HRCT1: variants seen among roughly 807,000 people sequenced by gnomAD.
The protein encoded by HRCT1 is histidine rich carboxyl terminus 1, also known as histidine-rich carboxyl terminus protein 1.
For missense variants in HRCT1, 185 were observed against 161.3 expected, an observed-to-expected ratio of 1.15 and a Z score of -0.80; for synonymous variants, 76 against 69.0, an observed-to-expected ratio of 1.10 and a Z score of -0.50.
rs1833101932 is a variant in HRCT1 at position 35,906,598 on chromosome 9, A to ACCACCCCCACCGCCACCACCC, written c.329_330insCCCCCACCCCCACCGCCACCA (p.His110_Pro111insProHisProHisArgHisHis). ...ACCCCTCACCACCTCCACCACCACC[A>ACCACCCCCACCGCCACCACCC]CCACCCCCACCGCCACCATCCCCGC... On this transcript the variant is annotated inframe_insertion, in exon 1 of 1. Transcript: ENST00000354323. 5.0e-6 allele frequency: 6 copies of ACCACCCCCACCGCCACCACCC among 1,195,464 alleles called. No individual in the cohort carries two copies. Among genetic ancestry groups the ACCACCCCCACCGCCACCACCC allele is most frequent in the Non-Finnish European group, 6.6e-6 (6 of 910,888 alleles). The allele number at this position is 1,195,464 out of a possible 1,614,324, so 74.1% of individuals were successfully genotyped here.
Position 35,906,279 on chromosome 9 carries a change from G to A in HRCT1, c.-9G>A, listed in dbSNP as rs747464375. 4 of 1,592,254 alleles carry A rather than the reference G, an allele frequency of 2.5e-6. No homozygotes were observed. Among genetic ancestry groups the A allele is most frequent in the Middle Eastern group, 2.1e-4 (1 of 4,820 alleles). ...GCTGCTGGGCAGAGAGGGACTGTCC[G>A]GCTCCCAGATGCTGGGCCTCCTGGG... On this transcript the variant is annotated 5_prime_UTR_variant, in exon 1 of 1. Coordinates refer to ENST00000354323, the MANE Select transcript of HRCT1 (RefSeq NM_001039792.2).
rs1554690920 is a variant in HRCT1 at position 35,906,601 on chromosome 9, A to ACCACCC, written c.316_317insACCCCC (p.His105_Pro106insHisPro). The ACCACCC allele has an allele frequency of 1.9e-6, 2 of 1,079,740 alleles. No individual in the cohort carries two copies. Among genetic ancestry groups the ACCACCC allele is most frequent in the Non-Finnish European group, 2.4e-6 (2 of 832,354 alleles). The allele number at this position is 1,079,740 out of a possible 1,614,324, so 66.9% of individuals were successfully genotyped here. On this transcript the variant is annotated inframe_insertion, in exon 1 of 1. Transcript: ENST00000354323. ...CCTCACCACCTCCACCACCACCACC[A>ACCACCC]CCCCCACCGCCACCATCCCCGCCAC...
At position 35,906,904 on chromosome 9, in the gene HRCT1, G is replaced by C; in HGVS notation, c.*269G>C. ...CTTTCGGGGCTGGACAGCCCGTCTT[G>C]TGACAGTGACTCCCAGTGAGCCCCA... On this transcript the variant is annotated 3_prime_UTR_variant, in exon 1 of 1. Transcript: ENST00000354323. 1 of 508,064 alleles carries C rather than the reference G, an allele frequency of 2.0e-6. No individual in the cohort carries two copies. Among genetic ancestry groups the C allele is most frequent in the Non-Finnish European group, 3.6e-6 (1 of 276,374 alleles). 31.5% of individuals were successfully genotyped at this position (508,064 alleles called of 1,614,324 possible).
the HRCT1 span, chr9:35,906,598 A>ACCACCACCACCACACCC: frequency 8.4e-7 from 1 of 1,194,688 alleles, no homozygotes; most frequent in Non-Finnish European, 1.1e-6. Context: ...CACCACCACC[A>ACCACCACCACCACACCC]CCACCCCCAC....
At position 35,906,917 on chromosome 9, in the gene HRCT1, C is replaced by T. The variant is rs2132462023; in HGVS notation, c.*282C>T. 1 of 484,488 alleles carries T rather than the reference C, an allele frequency of 2.1e-6. No homozygotes were observed. The highest frequency in any genetic ancestry group is 3.8e-6 in the Non-Finnish European group (1 of 261,480). The allele number at this position is 484,488 out of a possible 1,614,324, so 30.0% of individuals were successfully genotyped here. On this transcript the variant is annotated 3_prime_UTR_variant, in exon 1 of 1. Coordinates refer to ENST00000354323, the MANE Select transcript of HRCT1 (RefSeq NM_001039792.2). ...ACAGCCCGTCTTGTGACAGTGACTC[C>T]CAGTGAGCCCCAGAAATGACAAGCG... is the stretch of plus-strand genomic sequence containing the variant.
Position 35,906,436 on chromosome 9 carries a change from G to T in HRCT1, c.149G>T (p.Gly50Val), listed in dbSNP as rs750808693. The T allele has an allele frequency of 6.2e-7, 1 of 1,613,092 alleles. No individual in the cohort carries two copies. The highest frequency in any genetic ancestry group is 2.2e-5 in the East Asian group (1 of 44,886). ...GAGAGGAACCGTACAGCTGCAGGGG[G>T]AAACCGAGTCCGCCGGGCCCAGCCT... is the stretch of plus-strand genomic sequence containing the variant. ...DVERNRTAAG[G>V]NRVRRAQPWP... is the part of the protein sequence containing the mutation. Residue 50 changes from glycine to valine, a missense_variant, in exon 1 of 1, where the codon GGA becomes GTA. Transcript: ENST00000354323.
rs1167469154 is a variant in HRCT1 at position 35,906,601 on chromosome 9, ACCCCCACCG to A, written c.317_325del (p.Pro106_Arg108del). 1.9e-5 allele frequency: 20 copies of A among 1,079,732 alleles called. No individual in the cohort carries two copies. Among genetic ancestry groups the A allele is most frequent in the East Asian group, 4.0e-5 (1 of 24,976 alleles). The allele number at this position is 1,079,732 out of a possible 1,614,324, so 66.9% of individuals were successfully genotyped here. On this transcript the variant is annotated inframe_deletion, in exon 1 of 1. Coordinates refer to ENST00000354323, the MANE Select transcript of HRCT1 (RefSeq NM_001039792.2). ...CCTCACCACCTCCACCACCACCACCACCCCCACCGCCACCATCCCCGCCACGCTCGCTGA... is the reference window on the plus strand; with the variant it reads ...CCTCACCACCTCCACCACCACCACCACCACCATCCCCGCCACGCTCGCTGA...
At position 35,906,595 on chromosome 9, in the gene HRCT1, A is replaced by ACCACCCCCACCGCCACCACCACCC; in HGVS notation, c.313_314insCCCACCGCCACCACCACCCCCACC (p.His104_His105insProHisArgHisHisHisProHis). On this transcript the variant is annotated inframe_insertion, in exon 1 of 1. Coordinates refer to ENST00000354323, the MANE Select transcript of HRCT1 (RefSeq NM_001039792.2). The stretch of plus-strand genomic sequence containing the variant: ...CACACCCCTCACCACCTCCACCACC[A>ACCACCCCCACCGCCACCACCACCC]CCACCACCCCCACCGCCACCATCCC... The ACCACCCCCACCGCCACCACCACCC allele has an allele frequency of 8.3e-7, 1 of 1,198,304 alleles. No individual in the cohort carries two copies. The highest frequency in any genetic ancestry group is 2.4e-5 in the African/African-American group (1 of 42,160). 74.2% of individuals were successfully genotyped at this position (1,198,304 alleles called of 1,614,324 possible). A position where few individuals can be genotyped will look rare whatever the true frequency, so the allele number is the denominator to read the frequency against.
Position 35,906,540 on chromosome 9 carries a change from G to T in HRCT1, c.253G>T (p.Val85Leu). The change falls in exon 1 of 1, where the codon GTG becomes TTG. Residue 85 changes from valine to leucine, a missense_variant. Coordinates refer to ENST00000354323, the MANE Select transcript of HRCT1 (RefSeq NM_001039792.2). ...TGGCCACGTATCTCATGTGCCGAAT[G>T]TGGGCCTCCACCACCACCACCACCC... ...HPGHVSHVPN[V>L]GLHHHHHPRH... 6.6e-7 allele frequency: 1 copy of T among 1,509,234 alleles called. No individual in the cohort carries two copies. 93.5% of individuals were successfully genotyped at this position (1,509,234 alleles called of 1,614,324 possible).
chr9:35,906,835 G>C lies in HRCT1; in HGVS notation c.*200G>C, dbSNP rs1484883893. 2.3e-5 allele frequency: 18 copies of C among 774,180 alleles called. No individual in the cohort carries two copies. The highest frequency in any genetic ancestry group is 3.7e-5 in the Non-Finnish European group (18 of 485,486). The allele number at this position is 774,180 out of a possible 1,614,324, so 48.0% of individuals were successfully genotyped here. A position where few individuals can be genotyped will look rare whatever the true frequency, so the allele number is the denominator to read the frequency against. On this transcript the variant is annotated 3_prime_UTR_variant, in exon 1 of 1. Transcript: ENST00000354323. ...GCAGCAGAGAATGGAGGAACACTGG[G>C]TCTGCAGTGCTGAAGGGTTTGGGGA...
In HRCT1 at chr9:35,906,852, G is replaced by A. The variant is rs1260973316; in HGVS notation, c.*217G>A. ...AACACTGGGTCTGCAGTGCTGAAGG[G>A]TTTGGGGAGTGGAGAGCAAGGGTGC... On this transcript the variant is annotated 3_prime_UTR_variant, in exon 1 of 1. Transcript: ENST00000354323. 3 of 688,058 alleles carry A rather than the reference G, an allele frequency of 4.4e-6. No homozygotes were observed. Among genetic ancestry groups the A allele is most frequent in the Non-Finnish European group, 7.2e-6 (3 of 414,044 alleles). The allele number at this position is 688,058 out of a possible 1,614,324, so 42.6% of individuals were successfully genotyped here. A position where few individuals can be genotyped will look rare whatever the true frequency, so the allele number is the denominator to read the frequency against.
Position 35,906,953 on chromosome 9 carries a change from G to A in HRCT1, c.*318G>A. ...CAGAAATGACAAGCGTGTCTTGGCA[G>A]AGCCAGCACACAAGTGGATGTGAAG... On this transcript the variant is annotated 3_prime_UTR_variant, in exon 1 of 1. Coordinates refer to ENST00000354323, the MANE Select transcript of HRCT1 (RefSeq NM_001039792.2). The A allele has an allele frequency of 1.1e-5, 5 of 438,494 alleles. No homozygotes were observed. Among genetic ancestry groups the A allele is most frequent in the Non-Finnish European group, 2.2e-5 (5 of 232,120 alleles). 27.2% of individuals were successfully genotyped at this position (438,494 alleles called of 1,614,324 possible).
In HRCT1 at chr9:35,906,401, C is replaced by G. The variant is rs762711126; in HGVS notation, c.114C>G (p.Asp38Glu). ...LATCLFHGRQ[D>E]CDVERNRTAA... ...CCTGCCTTTTCCACGGACGGCAGGA[C>G]TGTGACGTGGAGAGGAACCGTACAG... The change falls in exon 1 of 1, where the codon GAC becomes GAG. Residue 38 changes from aspartate to glutamate, a missense_variant. By Grantham distance (45) the Asp-to-Glu change is conservative. Coordinates refer to ENST00000354323, the MANE Select transcript of HRCT1 (RefSeq NM_001039792.2). 6.2e-7 allele frequency: 1 copy of G among 1,612,784 alleles called. No homozygotes were observed. Among genetic ancestry groups the G allele is most frequent in the East Asian group, 2.2e-5 (1 of 44,886 alleles).
In HRCT1 at chr9:35,906,595, A is replaced by ACCCCCG; in HGVS notation, c.310_311insCCCGCC (p.His103_His104insProArg). On this transcript the variant is annotated inframe_insertion, in exon 1 of 1. Transcript: ENST00000354323. The stretch of plus-strand genomic sequence containing the variant: ...CACACCCCTCACCACCTCCACCACC[A>ACCCCCG]CCACCACCCCCACCGCCACCATCCC... The ACCCCCG allele has an allele frequency of 2.5e-6, 3 of 1,198,304 alleles. No individual in the cohort carries two copies. In the South Asian group the frequency reaches 4.1e-5, roughly 16 times the overall value. The allele number at this position is 1,198,304 out of a possible 1,614,324, so 74.2% of individuals were successfully genotyped here. A position where few individuals can be genotyped will look rare whatever the true frequency, so the allele number is the denominator to read the frequency against.
Position 35,906,556 on chromosome 9 carries a change from A to ACCACCACCCCCC in HRCT1, c.280_281insCCCACCACCCCC (p.Pro93_Arg94insProHisHisPro). 3 of 1,561,142 alleles carry ACCACCACCCCCC rather than the reference A, an allele frequency of 1.9e-6. No individual in the cohort carries two copies. Among genetic ancestry groups the ACCACCACCCCCC allele is most frequent in the Non-Finnish European group, 8.6e-7 (1 of 1,156,136 alleles). ...GTGCCGAATGTGGGCCTCCACCACC[A>ACCACCACCCCCC]CCACCACCCCCGCCACACCCCTCAC... is the stretch of plus-strand genomic sequence containing the variant. On this transcript the variant is annotated inframe_insertion, in exon 1 of 1. Transcript: ENST00000354323.
chr9:35,906,586 T>TCCACCACCACCTCCACCACCACCA lies in HRCT1; in HGVS notation c.310_311insTCCACCACCACCACCACCACCACC (p.His103_His104insLeuHisHisHisHisHisHisHis). On this transcript the variant is annotated inframe_insertion, in exon 1 of 1. Transcript: ENST00000354323. The stretch of plus-strand genomic sequence containing the variant: ...CACCCCCGCCACACCCCTCACCACC[T>TCCACCACCACCTCCACCACCACCA]CCACCACCACCACCACCCCCACCGC... 1 of 1,188,802 alleles carries TCCACCACCACCTCCACCACCACCA rather than the reference T, an allele frequency of 8.4e-7. No individual in the cohort carries two copies. Among genetic ancestry groups the TCCACCACCACCTCCACCACCACCA allele is most frequent in the Non-Finnish European group, 1.1e-6 (1 of 887,366 alleles). The allele number at this position is 1,188,802 out of a possible 1,614,324, so 73.6% of individuals were successfully genotyped here.
Position 35,906,598 on chromosome 9 carries a change from A to ACCACCACCACCGCCACCACCC in HRCT1, c.316_317insACCACCGCCACCACCCCCACC (p.His105_Pro106insHisHisArgHisHisProHis). 2 of 1,194,688 alleles carry ACCACCACCACCGCCACCACCC rather than the reference A, an allele frequency of 1.7e-6. No homozygotes were observed. The highest frequency in any genetic ancestry group is 1.4e-5 in the South Asian group (1 of 70,618). 74.0% of individuals were successfully genotyped at this position (1,194,688 alleles called of 1,614,324 possible). ...ACCCCTCACCACCTCCACCACCACC[A>ACCACCACCACCGCCACCACCC]CCACCCCCACCGCCACCATCCCCGC... On this transcript the variant is annotated inframe_insertion, in exon 1 of 1. Transcript: ENST00000354323.
At position 35,906,595 on chromosome 9, in the gene HRCT1, A is replaced by ACCACCACCACCACCACCACCG. The variant is rs748727626; in HGVS notation, c.316_317insACCACCACCACCGCCACCACC (p.His105_Pro106insHisHisHisHisArgHisHis). 1.7e-6 allele frequency: 2 copies of ACCACCACCACCACCACCACCG among 1,197,548 alleles called. No homozygotes were observed. Among genetic ancestry groups the ACCACCACCACCACCACCACCG allele is most frequent in the African/African-American group, 4.8e-5 (2 of 42,060 alleles). 74.2% of individuals were successfully genotyped at this position (1,197,548 alleles called of 1,614,324 possible). A position where few individuals can be genotyped will look rare whatever the true frequency, so the allele number is the denominator to read the frequency against. On this transcript the variant is annotated inframe_insertion, in exon 1 of 1. Coordinates refer to ENST00000354323, the MANE Select transcript of HRCT1 (RefSeq NM_001039792.2). ...CACACCCCTCACCACCTCCACCACC[A>ACCACCACCACCACCACCACCG]CCACCACCCCCACCGCCACCATCCC...
chr9:35,906,586 TC>T, the HRCT1 span: 1 of 1,188,794 alleles, frequency 8.4e-7, no homozygotes, highest in Non-Finnish European at 1.1e-6. Context: ...CCTCACCACC[TC>T]CACCACCACC....
Sources: allele counts gnomAD v4.1 joint callset, GRCh38; gene constraint gnomAD v4.1.1; transcripts MANE v1.5; gene names NCBI Gene and HGNC (gene_info 2026-07-23, HGNC 2026-07-21).